NIPA2: variants seen among roughly 807,000 people sequenced by gnomAD.
NIPA2 encodes NIPA magnesium transporter 2.
Under a neutral mutation model 29.7 loss-of-function variants are expected in NIPA2, and 11 were observed. That is an observed-to-expected ratio of 0.37 (90% CI 0.23 to 0.61). NIPA2 has a LOEUF of 0.61. NIPA2 is among the 20% of genes least tolerant of loss of function. NIPA2 has a pLI of 0.66. For synonymous variants in NIPA2, 183 were observed against 161.9 expected (o/e 1.13, Z -0.99); for missense variants, 426 against 437.9 (o/e 0.97, Z 0.24).
chr15:22,860,632 C>G lies in NIPA2; in HGVS notation c.291C>G (p.Ala97=). The G allele has an allele frequency of 6.4e-7, 1 of 1,551,060 alleles. No homozygotes were observed. The highest frequency in any genetic ancestry group is 8.7e-7 in the Non-Finnish European group (1 of 1,155,864). The change falls in exon 7 of 8, where the codon GCC becomes GCG. Residue 97 remains alanine (A), a synonymous_variant. Transcript: ENST00000337451. ...TTTTTTTTCCTCCCCATTTTAGTGC[C>G]ATTCTTTCTTCATACTTTCTCAATG... ...PLGALSVLVS[A]ILSSYFLNER... is the part of the protein sequence containing the mutation.
At chr15:22,843,418 A>G (rs12914749) in intron 2 of NIPA2, among the ~76,000 whole-genome samples, 30,353 of 150,602 alleles carry the variant, frequency 0.2, 3,295 homozygotes, top group Admixed American at 0.31. Flanking sequence ...AGACAGGAGA[A>G]TGGCGTGAAC....
chr15:22,860,270 T>C (rs111273113), intron 6 of NIPA2, among the ~76,000 whole-genome samples: 201 of 152,296 alleles, frequency 1.3e-3, no homozygotes, highest in African/African-American at 4.4e-3. Context: ...CCCGCGCACC[T>C]TGGCCTCCCA....
chr15:22,851,511 TATTATC>T (rs1207336394), intron 3 of NIPA2, 122 bp from the exon 4 acceptor site: 14 of 288,438 alleles, frequency 4.9e-5, no homozygotes, highest in Non-Finnish European at 7.6e-5. Context: ...AAATAATAAA[TATTATC>T]AATATTAGTA....
intron 3 of NIPA2, among the ~76,000 whole-genome samples, chr15:22,851,299 G>A (rs1216990908): frequency 2.6e-5 from 4 of 152,076 alleles, no homozygotes; most frequent in African/African-American, 9.7e-5. Flanking sequence ...CCTGATAAAT[G>A]TATTTCCAAA....
At chr15:22,845,001 C>T (rs1353969801) in intron 2 of NIPA2, 145 bp from the exon 3 acceptor site, 2 of 152,116 alleles carry the variant, frequency 1.3e-5, no homozygotes, top group Non-Finnish European at 2.9e-5. Flanking sequence ...CTCCCGAGTC[C>T]CCCTAAGTAA....
At chr15:22,860,495 G>A in intron 6 of NIPA2, 134 bp from the exon 7 acceptor site, 1 of 644,644 alleles carries the variant, frequency 1.6e-6, no homozygotes, top group Non-Finnish European at 2.6e-6. Flanking sequence ...TTTTTTCCTT[G>A]GCGAAAGCCA....
At chr15:22,844,458 G>A (rs1184253395) in intron 2 of NIPA2, among the ~76,000 whole-genome samples, 1 of 152,104 alleles carries the variant, frequency 6.6e-6, no homozygotes, top group Non-Finnish European at 1.5e-5. Context: ...GGAGGCTGAG[G>A]CAGGAGACTT....
In NIPA2 at chr15:22,863,612, G is replaced by A. The variant is rs538416645; in HGVS notation, c.449-2601G>A. Among the ~76,000 whole-genome samples, 49 of 152,340 alleles carry A rather than the reference G, an allele frequency of 3.2e-4. 2 individuals carry two copies. In the South Asian group the frequency reaches 9.1e-3, roughly 28 times the overall value. The stretch of plus-strand genomic sequence containing the variant: ...GCCAAGAAACACCGTAAGGGGAAAT[G>A]CACACAGAAATTTGGGCTCACTACT... On this transcript the variant is annotated intron_variant, in intron 7 of 7. Coordinates refer to ENST00000337451, the MANE Select transcript of NIPA2 (RefSeq NM_030922.7).
intron 2 of NIPA2, among the ~76,000 whole-genome samples, chr15:22,843,975 A>G (rs1366067926): frequency 1.2e-4 from 18 of 152,024 alleles, no homozygotes; most frequent in Admixed American, 1.2e-3. Flanking sequence ...GGGGTTACAG[A>G]TGTGAGCCGC....
At position 22,866,998 on chromosome 15, in the gene NIPA2, C is replaced by T. The variant is rs140844193; in HGVS notation, c.*151C>T. The T allele has an allele frequency of 4.1e-6, 3 of 723,800 alleles. No homozygotes were observed. The East Asian group carries it at 8.3e-5, about 20-fold the overall frequency. 44.8% of individuals were successfully genotyped at this position (723,800 alleles called of 1,614,324 possible). A position where few individuals can be genotyped will look rare whatever the true frequency, so the allele number is the denominator to read the frequency against. On this transcript the variant is annotated 3_prime_UTR_variant, in exon 8 of 8. Transcript: ENST00000337451. ...TAATTTGGACCAAGAAATTACTTTT[C>T]TTGTATTTAAACAAACAATGGTAGC... is the stretch of plus-strand genomic sequence containing the variant.
In NIPA2 at chr15:22,866,781, C is replaced by G. The variant is rs753123113; in HGVS notation, c.1017C>G (p.Thr339=). ...EVLNNNEESL[T]CGIEQHTGEN... is the part of the protein sequence containing the mutation. ...TTAATAATAATGAAGAAAGCTTAAC[C>G]TGTGGAATCGAACAACACACTGGTG... Residue 339 remains threonine, a synonymous_variant, in exon 8 of 8, where the codon ACC becomes ACG. Transcript: ENST00000337451. 1.5e-5 allele frequency: 25 copies of G among 1,613,192 alleles called. 1 individual carries two copies. The highest frequency in any genetic ancestry group is 1.9e-5 in the Non-Finnish European group (22 of 1,179,450).
intron 6 of NIPA2, 71 bp from the exon 7 acceptor site, chr15:22,860,558 G>A (rs549973392): frequency 5.1e-6 from 5 of 974,644 alleles, no homozygotes; most frequent in Admixed American, 2.7e-5. Context: ...TTTAAATTAC[G>A]AGTTTTATTG....
intron 2 of NIPA2, among the ~76,000 whole-genome samples, chr15:22,841,802 C>G (rs1012456099): frequency 6.6e-6 from 1 of 152,224 alleles, no homozygotes; most frequent in African/African-American, 2.4e-5. Context: ...CCACCGCGCC[C>G]GGCCGGACAC....
Position 22,866,601 on chromosome 15 carries a change from C to T in NIPA2, c.837C>T (p.Val279=), listed in dbSNP as rs1290061574. The T allele has an allele frequency of 6.2e-6, 10 of 1,614,114 alleles. No individual in the cohort carries two copies. The highest frequency in any genetic ancestry group is 8.5e-6 in the Non-Finnish European group (10 of 1,180,014). Residue 279 remains valine (V), a synonymous_variant, in exon 8 of 8, where the codon GTC becomes GTT. Transcript: ENST00000337451. ...GGCAAGATATGCCTGTTGACGATGT[C>T]ATTGGTACTTTGAGTGGCTTCTTTA... ...KEWQDMPVDD[V]IGTLSGFFTI... is the part of the protein sequence containing the mutation.
intron 7 of NIPA2, 80 bp from the exon 8 acceptor site, chr15:22,866,133 T>G: frequency 8.7e-7 from 1 of 1,154,318 alleles, no homozygotes; most frequent in Non-Finnish European, 1.2e-6. Context: ...CCCTATCAAG[T>G]TTATTATATT....
chr15:22,854,748 AAAAAC>A (rs942664490), intron 5 of NIPA2, among the ~76,000 whole-genome samples: 6 of 152,104 alleles, frequency 3.9e-5, no homozygotes, highest in African/African-American at 1.4e-4. Flanking sequence ...CTCAGTCTCA[AAAAAC>A]AAAACAAAAA....
At chr15:22,854,658 A>G (rs2058050286) in intron 5 of NIPA2, among the ~76,000 whole-genome samples, 1 of 151,970 alleles carries the variant, frequency 6.6e-6, no homozygotes, top group Non-Finnish European at 1.5e-5. Context: ...AGGCCCGAGA[A>G]TCGCTTGAAA....
intron 5 of NIPA2, among the ~76,000 whole-genome samples, chr15:22,858,091 C>T (rs2058334399): frequency 1.3e-5 from 2 of 152,066 alleles, no homozygotes; most frequent in South Asian, 4.1e-4. Flanking sequence ...AGACCCATAA[C>T]CCTTATTAAT....
intron 5 of NIPA2, among the ~76,000 whole-genome samples, chr15:22,857,663 C>G (rs1595374803): frequency 6.6e-6 from 1 of 151,190 alleles, no homozygotes; most frequent in African/African-American, 2.4e-5. Context: ...ATGGTGAAAC[C>G]CCGTCTCTAC....
Sources: gnomAD v4.1 joint callset for allele counts (sites outside exome capture counted in the v4.1 genomes callset) on GRCh38, gnomAD v4.1.1 for gene constraint, MANE v1.5 for transcripts, NCBI Gene and HGNC (gene_info 2026-07-23, HGNC 2026-07-21) for gene names.